Variants in RNGTT observed in about 807,000 individuals in gnomAD.
RNGTT encodes the protein mRNA-capping enzyme.
RNGTT carries 33 observed loss-of-function variants against 79.3 expected under a neutral mutation model. The observed-to-expected ratio is 0.42, with a 90% CI of 0.32 to 0.56. RNGTT has a LOEUF of 0.56. RNGTT is among the 20% of genes least tolerant of loss of function. The pLI is 0.17. For synonymous variants in RNGTT, 222 were observed against 235.9 expected (o/e 0.94, Z 0.54); for missense variants, 497 against 739.1 (o/e 0.67, Z 3.80).
chr6:88,797,187 C>T (rs1224916556), intron 12 of RNGTT, among the ~76,000 whole-genome samples: 4 of 152,054 alleles, frequency 2.6e-5, no homozygotes, highest in East Asian at 1.9e-4. Flanking sequence ...TGATTTATTA[C>T]GAGATAATCA....
Position 88,963,326 on chromosome 6 carries a change from C to G in RNGTT, c.64+20G>C. On this transcript the variant is annotated intron_variant, in intron 1 of 15. Transcript: ENST00000369485. ...GCACGTTGGAGTGTGGGGATTCGAA[C>G]GCCCCCCAGTCCAGGTTACCTGCCA... is the stretch of plus-strand genomic sequence containing the variant. 6.2e-7 allele frequency: 1 copy of G among 1,611,678 alleles called. No individual in the cohort carries two copies. Among genetic ancestry groups the G allele is most frequent in the South Asian group, 1.1e-5 (1 of 91,028 alleles).
intron 13 of RNGTT, among the ~76,000 whole-genome samples, chr6:88,735,131 A>T (rs913764669): frequency 1.3e-5 from 2 of 152,194 alleles, no homozygotes. Context: ...CCAAGAAGAC[A>T]TAACAATCCT....
At chr6:88,801,519 CACAA>C (rs1779782567) in intron 12 of RNGTT, 41 bp downstream of exon 12, 7 of 1,472,626 alleles carry the variant, frequency 4.8e-6, no homozygotes, top group Non-Finnish European at 6.6e-6. Context: ...TACACACACA[CACAA>C]ACACACAAAC....
intron 11 of RNGTT, among the ~76,000 whole-genome samples, chr6:88,842,199 T>C (rs1044189380): frequency 6.6e-6 from 1 of 151,874 alleles, no homozygotes; most frequent in East Asian, 1.9e-4. Flanking sequence ...TCCTAACACA[T>C]AACAGGCACA....
chr6:88,715,329 T>C (rs1401896150), intron 13 of RNGTT, among the ~76,000 whole-genome samples: 5 of 152,142 alleles, frequency 3.3e-5, no homozygotes, highest in Non-Finnish European at 7.4e-5. Context: ...TACAAACAAA[T>C]GGAAGAACAT....
intron 13 of RNGTT, among the ~76,000 whole-genome samples, chr6:88,746,004 G>C (rs1562230675): frequency 6.6e-6 from 1 of 152,144 alleles, no homozygotes; most frequent in Non-Finnish European, 1.5e-5. Context: ...TGTGAGTACA[G>C]AGCAGTGAAG....
At chr6:88,817,805 G>A (rs1780366987) in intron 11 of RNGTT, among the ~76,000 whole-genome samples, 1 of 127,794 alleles carries the variant, frequency 7.8e-6, no homozygotes, top group Non-Finnish European at 1.6e-5. Flanking sequence ...TGTCTCCCAG[G>A]TTGGAGTGCA....
chr6:88,698,530 G>A (rs923236228), intron 13 of RNGTT, among the ~76,000 whole-genome samples: 2 of 151,062 alleles, frequency 1.3e-5, no homozygotes, highest in African/African-American at 4.9e-5. Context: ...GCTATCATTT[G>A]TAAAAGGCCT....
intron 14 of RNGTT, among the ~76,000 whole-genome samples, chr6:88,626,038 C>G (rs574783565): frequency 1.1e-4 from 17 of 152,116 alleles, no homozygotes; most frequent in African/African-American, 4.1e-4. Flanking sequence ...TTAATGCTCA[C>G]AACAACCCTA....
At chr6:88,836,083 TTACATA>T (rs1781070207) in intron 11 of RNGTT, among the ~76,000 whole-genome samples, 1 of 141,370 alleles carries the variant, frequency 7.1e-6, no homozygotes, top group Non-Finnish European at 1.5e-5. Context: ...TATATAAGAT[TTACATA>T]TATATATATG....
intron 13 of RNGTT, among the ~76,000 whole-genome samples, chr6:88,689,265 G>C (rs564283723): frequency 6.6e-6 from 1 of 151,860 alleles, no homozygotes; most frequent in Non-Finnish European, 1.5e-5. Flanking sequence ...AACATAGTGA[G>C]AACTTGTCTC....
At chr6:88,780,632 C>CAA (rs36026829) in intron 12 of RNGTT, among the ~76,000 whole-genome samples, 20,957 of 150,536 alleles carry the variant, frequency 0.14, 1,559 homozygotes, top group Middle Eastern at 0.24. Flanking sequence ...GGTGAGCTGT[C>CAA]AAAAAAAAAC....
At chr6:88,730,234 AC>A (rs1233514156) in intron 13 of RNGTT, among the ~76,000 whole-genome samples, 1 of 152,108 alleles carries the variant, frequency 6.6e-6, no homozygotes, top group African/African-American at 2.4e-5. Flanking sequence ...TCAAAAAGCA[AC>A]CTTTTTGGAT....
intron 11 of RNGTT, among the ~76,000 whole-genome samples, chr6:88,833,213 G>A (rs904062531): frequency 6.6e-6 from 1 of 152,148 alleles, no homozygotes; most frequent in Non-Finnish European, 1.5e-5. Context: ...AGAAAATGTG[G>A]CACATAGACA....
chr6:88,858,906 A>G (rs1297229884), intron 8 of RNGTT, among the ~76,000 whole-genome samples: 1 of 152,212 alleles, frequency 6.6e-6, no homozygotes, highest in African/African-American at 2.4e-5. Flanking sequence ...TAACTAAAAA[A>G]GGTTCAGAAT....
At chr6:88,686,423 C>T (rs1293533891) in intron 13 of RNGTT, among the ~76,000 whole-genome samples, 1 of 151,886 alleles carries the variant, frequency 6.6e-6, no homozygotes, top group Admixed American at 6.6e-5. Flanking sequence ...ACTTTATAAG[C>T]TCATTCGAAA....
At chr6:88,839,578 GA>G (rs201206244) in intron 11 of RNGTT, among the ~76,000 whole-genome samples, 25 of 149,438 alleles carry the variant, frequency 1.7e-4, no homozygotes, top group African/African-American at 5.2e-4. Flanking sequence ...TCGAAAAAAA[GA>G]AAAAAAAATC....
At chr6:88,700,703 G>A (rs1219021925) in intron 13 of RNGTT, among the ~76,000 whole-genome samples, 1 of 152,140 alleles carries the variant, frequency 6.6e-6, no homozygotes, top group Non-Finnish European at 1.5e-5. Context: ...GGAAAGGTGG[G>A]CCTGAAATCA....
intron 13 of RNGTT, among the ~76,000 whole-genome samples, chr6:88,746,652 C>T (rs1481639325): frequency 6.6e-6 from 1 of 152,196 alleles, no homozygotes; most frequent in East Asian, 1.9e-4. Context: ...AATACCGCCA[C>T]TGATCTGACA....
Sources: gnomAD v4.1 joint callset for allele counts (sites outside exome capture counted in the v4.1 genomes callset) on GRCh38, gnomAD v4.1.1 for gene constraint, MANE v1.5 for transcripts, NCBI Gene and HGNC (gene_info 2026-07-23, HGNC 2026-07-21) for gene names.